ESR1: variants seen among roughly 807,000 people sequenced by gnomAD.
ESR1 encodes estrogen receptor.
A neutral mutation model predicts 52.7 loss-of-function variants in ESR1; 12 were observed. The observed-to-expected ratio is 0.23, with a 90% CI of 0.15 to 0.37. ESR1 has a LOEUF of 0.37. Ranked by LOEUF, ESR1 falls within the 10% of genes least tolerant of loss-of-function variation. ESR1 has a pLI of 1.00. For synonymous variants in ESR1, 305 were observed against 316.8 expected (o/e 0.96, Z 0.39); for missense variants, 584 against 779.7 (o/e 0.75, Z 2.99).
intron 4 of ESR1, among the ~76,000 whole-genome samples, chr6:152,006,510 C>T (rs915423705): frequency 6.6e-6 from 1 of 151,968 alleles, no homozygotes; most frequent in Admixed American, 6.6e-5. Flanking sequence ...GTGAAGACTG[C>T]TTGGTATTTA....
chr6:152,096,772 T>G (rs765513147), intron 7 of ESR1: 2 of 435,110 alleles, frequency 4.6e-6, no homozygotes, highest in Non-Finnish European at 9.4e-6. Context: ...TTTTGATGAG[T>G]ATTATAGAGA....
chr6:151,772,229 C>T (rs149458649), intron 2 of ESR1, among the ~76,000 whole-genome samples: 1 of 152,188 alleles, frequency 6.6e-6, no homozygotes, highest in East Asian at 1.9e-4. Context: ...AAGTGAGGTA[C>T]CTGTAGGGGT....
intron 3 of ESR1, among the ~76,000 whole-genome samples, chr6:151,922,672 C>A (rs2031937491): frequency 6.6e-6 from 1 of 152,064 alleles, no homozygotes; most frequent in East Asian, 1.9e-4. Context: ...ATTTTTTGCC[C>A]CAGTTCTATG....
At chr6:152,083,576 A>C (rs1253083273) in intron 6 of ESR1, among the ~76,000 whole-genome samples, 1 of 152,262 alleles carries the variant, frequency 6.6e-6, no homozygotes, top group Admixed American at 6.5e-5. Flanking sequence ...CACCAAAAGC[A>C]ATGGCATCAA....
At chr6:151,778,142 G>A (rs1786190448) in intron 2 of ESR1, among the ~76,000 whole-genome samples, 1 of 152,022 alleles carries the variant, frequency 6.6e-6, no homozygotes, top group African/African-American at 2.4e-5. Context: ...CAATTTCTTT[G>A]TTTTTAAGAA....
intron 4 of ESR1, among the ~76,000 whole-genome samples, chr6:151,997,741 A>T (rs2041617608): frequency 6.6e-6 from 1 of 152,160 alleles, no homozygotes; most frequent in Non-Finnish European, 1.5e-5. Context: ...TTTTTGATAG[A>T]GTTCAAACTT....
chr6:151,661,170 T>A (rs1777625083), intron 1 of ESR1, among the ~76,000 whole-genome samples: 1 of 152,260 alleles, frequency 6.6e-6, no homozygotes, highest in Non-Finnish European at 1.5e-5. Flanking sequence ...CAATTTTGTA[T>A]TTTGAAAGCA....
At chr6:151,736,063 C>G (rs1782631783) in intron 2 of ESR1, among the ~76,000 whole-genome samples, 1 of 152,156 alleles carries the variant, frequency 6.6e-6, no homozygotes, top group Admixed American at 6.5e-5. Flanking sequence ...AACCTCTTTC[C>G]TTTATAAATT....
intron 5 of ESR1, among the ~76,000 whole-genome samples, chr6:152,015,042 G>A (rs2043065944): frequency 6.6e-6 from 1 of 152,024 alleles, no homozygotes. Context: ...ACTCCAGCCT[G>A]GATGAAATTC....
chr6:151,813,765 A>G (rs886824601), intron 1 of ESR1, among the ~76,000 whole-genome samples: 3 of 152,144 alleles, frequency 2.0e-5, no homozygotes, highest in Non-Finnish European at 4.4e-5. Context: ...TTGTTTGGTA[A>G]TGTTCTATTT....
intron 1 of ESR1, among the ~76,000 whole-genome samples, chr6:151,839,315 T>C (rs1783897602): frequency 6.6e-6 from 1 of 152,184 alleles, no homozygotes; most frequent in Admixed American, 6.5e-5. Context: ...CTCATTAGGA[T>C]GGCTACTATA....
intron 2 of ESR1, among the ~76,000 whole-genome samples, chr6:151,868,339 GCTGGTTTTGAACTC>G (rs1296385949): frequency 6.6e-6 from 1 of 152,078 alleles, no homozygotes; most frequent in East Asian, 1.9e-4. Context: ...TATTGGCCAG[GCTGGTTTTGAACTC>G]CTGACCTCAG....
At chr6:152,090,427 T>C (rs1271313609) in intron 6 of ESR1, among the ~76,000 whole-genome samples, 1 of 152,262 alleles carries the variant, frequency 6.6e-6, no homozygotes, top group East Asian at 1.9e-4. Flanking sequence ...AAATCTGGCC[T>C]GGCTTGAAGA....
At chr6:152,009,383 G>A (rs892187814) in intron 4 of ESR1, among the ~76,000 whole-genome samples, 5 of 152,046 alleles carry the variant, frequency 3.3e-5, no homozygotes, top group African/African-American at 1.2e-4. Context: ...CCTACAGTGA[G>A]TATATGGTCT....
chr6:151,863,893 C>CAAGATGGA (rs1201062959), intron 2 of ESR1, among the ~76,000 whole-genome samples: 2 of 152,106 alleles, frequency 1.3e-5, no homozygotes, highest in African/African-American at 2.4e-5. Flanking sequence ...TTCCTTACAC[C>CAAGATGGA]TTATACAAAA....
intron 4 of ESR1, among the ~76,000 whole-genome samples, chr6:151,995,361 C>G (rs188613753): frequency 3.0e-4 from 46 of 152,196 alleles, no homozygotes; most frequent in African/African-American, 1.1e-3. Flanking sequence ...ATCCATTCGT[C>G]TATTCATCCA....
intron 2 of ESR1, among the ~76,000 whole-genome samples, chr6:151,786,919 C>G (rs1283937466): frequency 4.6e-5 from 7 of 152,174 alleles, no homozygotes; most frequent in African/African-American, 1.4e-4. Flanking sequence ...AAGCGATTCC[C>G]CTGCCTCAGT....
At position 151,929,985 on chromosome 6, in the gene ESR1, T is replaced by A. The variant is rs191251916; in HGVS notation, c.761-14188T>A. On this transcript the variant is annotated intron_variant, in intron 3 of 7. Transcript: ENST00000206249. ...TTTCTCTTAGAGTATTAACTATACT[T>A]CTTTTTTTTTTTTTTGAGACAGAGT... 5.5e-4 allele frequency among the ~76,000 whole-genome samples: 84 copies of A among 152,002 alleles called. 1 individual carries two copies. Among genetic ancestry groups the A allele is most frequent in the African/African-American group, 1.9e-3 (79 of 41,484 alleles).
intron 1 of ESR1, among the ~76,000 whole-genome samples, chr6:151,675,237 T>C (rs1050220344): frequency 6.6e-6 from 1 of 152,188 alleles, no homozygotes; most frequent in Non-Finnish European, 1.5e-5. Context: ...TGCGTATTCA[T>C]TGATTTATTC....
Sources: gnomAD v4.1 joint callset for allele counts (sites outside exome capture counted in the v4.1 genomes callset) on GRCh38, gnomAD v4.1.1 for gene constraint, MANE v1.5 for transcripts, NCBI Gene and HGNC (gene_info 2026-07-23, HGNC 2026-07-21) for gene names.